MYT1L: variants seen among roughly 807,000 people sequenced by gnomAD.
The protein encoded by MYT1L is myelin transcription factor 1 like.
A neutral mutation model predicts 126.7 loss-of-function variants in MYT1L; 12 were observed. The observed-to-expected ratio is 0.09, with a 90% confidence interval of 0.06 to 0.15. MYT1L has a LOEUF of 0.15. MYT1L is among the 10% of genes least tolerant of loss of function. The pLI, the probability that MYT1L is intolerant of heterozygous loss-of-function variation, is 1.00. For synonymous variants in MYT1L, 541 were observed against 604.2 expected (o/e 0.90, Z 1.53); for missense variants, 979 against 1,585.2 (o/e 0.62, Z 6.49).
intron 4 of MYT1L, among the ~76,000 whole-genome samples, chr2:2,023,568 C>T (rs932389116): frequency 1.5e-4 from 22 of 151,674 alleles, no homozygotes; most frequent in African/African-American, 5.1e-4. Context: ...TGAAGGACCC[C>T]ACAGAGGCAG....
chr2:2,217,667 T>C (rs2093715848), intron 2 of MYT1L, among the ~76,000 whole-genome samples: 2 of 101,020 alleles, frequency 2.0e-5, no homozygotes, highest in Admixed American at 1.2e-4. Flanking sequence ...CAAAACTCCA[T>C]CTCAACAACA....
At position 2,009,566 on chromosome 2, in the gene MYT1L, C is replaced by T. The variant is rs57124923; in HGVS notation, c.-157-12219G>A. Among the ~76,000 whole-genome samples, 1,288 of 152,316 alleles carry T rather than the reference C, an allele frequency of 8.5e-3. 18 individuals carry two copies. The highest frequency in any genetic ancestry group is 0.029 in the African/African-American group (1,214 of 41,560). On this transcript the variant is annotated intron_variant, in intron 4 of 24. Transcript: ENST00000647738. ...GCTGATTTTGTATTCTGCAACTTTG[C>T]CGAATTCATTCATAATTCTAACAGT...
intron 2 of MYT1L, among the ~76,000 whole-genome samples, chr2:2,255,709 C>T (rs1199753040): frequency 6.6e-6 from 1 of 152,118 alleles, no homozygotes; most frequent in African/African-American, 2.4e-5. Context: ...CCTGCAGTGA[C>T]AGGTACAGAA....
intron 3 of MYT1L, among the ~76,000 whole-genome samples, chr2:2,116,247 T>C (rs2080196875): frequency 6.6e-6 from 1 of 152,328 alleles, no homozygotes; most frequent in African/African-American, 2.4e-5. Context: ...CTCACGGGTC[T>C]CCTGTGACAA....
intron 18 of MYT1L, among the ~76,000 whole-genome samples, chr2:1,879,863 G>C (rs1270583069): frequency 6.6e-6 from 1 of 152,092 alleles, no homozygotes; most frequent in Non-Finnish European, 1.5e-5. Context: ...CATGATTTTT[G>C]TTTGAAAGTA....
intron 3 of MYT1L, among the ~76,000 whole-genome samples, chr2:2,074,283 T>C (rs556707319): frequency 3.9e-5 from 6 of 152,216 alleles, no homozygotes; most frequent in African/African-American, 4.8e-5. Flanking sequence ...AGTTGTATTC[T>C]TCCTTTTAAA....
intron 3 of MYT1L, among the ~76,000 whole-genome samples, chr2:2,115,780 A>G (rs896656582): frequency 3.3e-5 from 5 of 152,196 alleles, no homozygotes; most frequent in African/African-American, 1.2e-4. Context: ...TGTGCTGTGC[A>G]GTTGAGGAAG....
intron 18 of MYT1L, among the ~76,000 whole-genome samples, chr2:1,871,313 G>C (rs1338511770): frequency 6.6e-6 from 1 of 152,264 alleles, no homozygotes; most frequent in Non-Finnish European, 1.5e-5. Context: ...GACTCTGTGG[G>C]AAGATTTGCC....
intron 2 of MYT1L, among the ~76,000 whole-genome samples, chr2:2,199,556 G>T (rs2092967968): frequency 6.6e-6 from 1 of 152,208 alleles, no homozygotes; most frequent in Non-Finnish European, 1.5e-5. Flanking sequence ...CTGTGGGGCA[G>T]AACCCCGTCC....
intron 2 of MYT1L, among the ~76,000 whole-genome samples, chr2:2,213,832 G>T (rs2093602060): frequency 6.6e-6 from 1 of 152,108 alleles, no homozygotes; most frequent in South Asian, 2.1e-4. Flanking sequence ...AATTTTCCAG[G>T]CATGAAAAGA....
rs536787280 is a variant in MYT1L, at chr2:1,912,727, C to A, written c.1619-617G>T. On this transcript the variant is annotated intron_variant, in intron 11 of 24. Coordinates refer to ENST00000647738, the MANE Select transcript of MYT1L (RefSeq NM_001303052.2). The surrounding 1 kb of genome is among the most constrained non-coding windows in gnomAD (Gnocchi z 4.3). Reference sequence around the variant, plus strand: ...GATGAGCTAGAAGAGTAAGCGTCTGCGTTTTTACCCTGTGAAATTAACAAG... The same window carrying A: ...GATGAGCTAGAAGAGTAAGCGTCTGAGTTTTTACCCTGTGAAATTAACAAG... Among the ~76,000 whole-genome samples, 1 of 151,944 alleles carries A rather than the reference C, an allele frequency of 6.6e-6. No individual in the cohort carries two copies. Among genetic ancestry groups the A allele is most frequent in the South Asian group, 2.1e-4 (1 of 4,820 alleles).
At position 1,943,743 on chromosome 2, in the gene MYT1L, C is replaced by T. The variant is rs548976953; in HGVS notation, c.153-409G>A. ...CATCTGAAGCAAGATTTATTTTAAT[C>T]ACATTATATTTACATATATATTTAT... is the stretch of plus-strand genomic sequence containing the variant. On this transcript the variant is annotated intron_variant, in intron 8 of 24. Transcript: ENST00000647738. The surrounding 1 kb of genome is among the most constrained non-coding windows in gnomAD (Gnocchi z 4.4). Among the ~76,000 whole-genome samples the T allele has an allele frequency of 8.5e-5, 13 of 152,142 alleles. No individual in the cohort carries two copies. The highest frequency in any genetic ancestry group is 1.8e-4 in the Non-Finnish European group (12 of 68,008).
intron 18 of MYT1L, among the ~76,000 whole-genome samples, chr2:1,868,219 T>A (rs2045846240): frequency 6.6e-6 from 1 of 152,204 alleles, no homozygotes. Context: ...CGCCTTGGCC[T>A]CCCAAAGTGC....
In MYT1L at chr2:1,791,475, C is replaced by G. The variant is rs79385111; in HGVS notation, c.*392G>C. 73 of 344,652 alleles carry G rather than the reference C, an allele frequency of 2.1e-4. 2 individuals are homozygous for G. In the East Asian group the frequency reaches 4.7e-3, roughly 22 times the overall value. 21.3% of individuals were successfully genotyped at this position (344,652 alleles called of 1,614,324 possible). On this transcript the variant is annotated 3_prime_UTR_variant, in exon 25 of 25. Coordinates refer to ENST00000647738, the MANE Select transcript of MYT1L (RefSeq NM_001303052.2). The surrounding 1 kb of genome is among the most constrained non-coding windows in gnomAD (Gnocchi z 6.0). ...ATTCAAAGCTGTGGGTCTGTGTGTG[C>G]GTGTGTGTGTTTGTGTGTCCATTTC...
rs141818130 is a variant in MYT1L, at chr2:2,067,097, G to A, written c.-303-12974C>T. ...TACAAGGAGCTTTATAGGTGTACAC[G>A]AAGAAGTAAAGGGTCAGGAATATCT... is the stretch of plus-strand genomic sequence containing the variant. On this transcript the variant is annotated intron_variant, in intron 3 of 24. Coordinates refer to ENST00000647738, the MANE Select transcript of MYT1L (RefSeq NM_001303052.2). Among the ~76,000 whole-genome samples the A allele has an allele frequency of 3.7e-3, 567 of 152,240 alleles. 3 individuals are homozygous for A. Among genetic ancestry groups the A allele is most frequent in the Non-Finnish European group, 4.1e-3 (278 of 68,014 alleles).
In MYT1L at chr2:1,887,552, C is replaced by A. The variant is rs1274814786; in HGVS notation, c.2578G>T (p.Val860Leu). The change falls in exon 17 of 25, where the codon GTG becomes TTG. Residue 860 changes from valine (V) to leucine (L), a missense_variant. This residue lies in a region of MYT1L where 141 missense variants were observed against 170.6 expected (regional missense o/e 0.83). Transcript: ENST00000647738. This position sits in a 1 kb window ranked among gnomAD's most constrained non-coding sequence, Gnocchi z 4.8. ...TTGGGTTTGGGACTTGGGATGGTCA[C>A]CTCCCCGGGATACCGTCTTTCTTCT... Reference protein sequence around the residue: ...ALEERRYPGEVTIPSPKPKYP... With the variant: ...ALEERRYPGELTIPSPKPKYP... 1.2e-6 allele frequency: 2 copies of A among 1,613,964 alleles called. No homozygotes were observed. Among genetic ancestry groups the A allele is most frequent in the Non-Finnish European group, 1.7e-6 (2 of 1,179,880 alleles).
At position 2,059,934 on chromosome 2, in the gene MYT1L, G is replaced by A. The variant is rs1410554683; in HGVS notation, c.-303-5811C>T. ...GCTGTAACTGTAGATCTCCTAAGCG[G>A]CACCCCAACCCCACCACGAGCTCGT... is the stretch of plus-strand genomic sequence containing the variant. On this transcript the variant is annotated intron_variant, in intron 3 of 24. Coordinates refer to ENST00000647738, the MANE Select transcript of MYT1L (RefSeq NM_001303052.2). This position sits in a 1 kb window ranked among gnomAD's most constrained non-coding sequence, Gnocchi z 4.7. Among the ~76,000 whole-genome samples the A allele has an allele frequency of 2.6e-5, 4 of 152,138 alleles. No individual in the cohort carries two copies. Among genetic ancestry groups the A allele is most frequent in the Non-Finnish European group, 4.4e-5 (3 of 68,040 alleles).
chr2:1,911,890 T>G (rs1362875569), intron 12 of MYT1L, 130 bp downstream of exon 12: 1 of 601,654 alleles, frequency 1.7e-6, no homozygotes, highest in Non-Finnish European at 2.7e-6. Context: ...CCGTGCATTA[T>G]ATGGAGGTGC....
At chr2:1,970,781 G>C (rs1039280886) in intron 8 of MYT1L, among the ~76,000 whole-genome samples, 4 of 152,212 alleles carry the variant, frequency 2.6e-5, no homozygotes, top group Non-Finnish European at 2.9e-5. Flanking sequence ...GTAAACCTCA[G>C]ACAACAGCTG....
Sources: allele counts gnomAD v4.1 joint callset (sites outside exome capture counted in the v4.1 genomes callset), GRCh38; gene constraint gnomAD v4.1.1; regional missense constraint gnomAD v4.1.1; non-coding constraint Gnocchi (gnomAD v3.1); transcripts MANE v1.5; gene names NCBI Gene and HGNC (gene_info 2026-07-23, HGNC 2026-07-21).